ICA1L: variants seen among roughly 807,000 people sequenced by gnomAD.
ICA1L encodes the protein islet cell autoantigen 1-like protein.
A neutral mutation model predicts 61.3 loss-of-function variants in ICA1L; 50 were observed. That is an observed-to-expected ratio of 0.82 (90% CI 0.65 to 1.03). ICA1L has a LOEUF of 1.03. ICA1L is among the 50% of genes least tolerant of loss of function. The pLI, the probability that ICA1L is intolerant of heterozygous loss-of-function variation, is 0.00. For missense variants in ICA1L, 508 were observed against 556.7 expected (o/e 0.91, Z 0.88); for synonymous variants, 161 against 191.3 (o/e 0.84, Z 1.31).
rs1358189927 is a variant in ICA1L, at chr2:202,788,859, A to T, written c.1214T>A (p.Leu405His). 5.6e-6 allele frequency: 9 copies of T among 1,614,120 alleles called. No homozygotes were observed. The highest frequency in any genetic ancestry group is 6.8e-6 in the Non-Finnish European group (8 of 1,180,010). ...SRFLPSQLFD[L>H]GFHVAGAFNN... ...GAACGCTCCAGCCACATGAAAGCCA[A>T]GGTCAAAGAGTTGTGAAGGAAGGAA... The change falls in exon 11 of 13, where the codon CTT (leucine) becomes CAT (histidine). Residue 405 changes from leucine to histidine, a missense_variant. By Grantham distance (99) the Leu-to-His change is moderately conservative. Coordinates refer to ENST00000358299, the MANE Select transcript of ICA1L (RefSeq NM_001288622.3).
At chr2:202,847,498 C>T (rs1210519186) in intron 1 of ICA1L, among the ~76,000 whole-genome samples, 5 of 151,726 alleles carry the variant, frequency 3.3e-5, no homozygotes, top group African/African-American at 7.3e-5. Context: ...TGTGGGACCT[C>T]GTGCAAGTTA....
rs957093783 is a variant in ICA1L, at chr2:202,849,632, A to G, written c.-7-20616T>C. On this transcript the variant is annotated intron_variant, in intron 1 of 12. Transcript: ENST00000358299. The surrounding 1 kb of genome is among the most constrained non-coding windows in gnomAD (Gnocchi z 4.5). Reference sequence around the variant, plus strand: ...TGAAAGAAAGGCAGCAGCCCCAGCCAGGGGTTTTTAGATAAAACTCCCATC... The same window carrying G: ...TGAAAGAAAGGCAGCAGCCCCAGCCGGGGGTTTTTAGATAAAACTCCCATC... Among the ~76,000 whole-genome samples the G allele has an allele frequency of 1.3e-5, 2 of 152,230 alleles. No homozygotes were observed. The highest frequency in any genetic ancestry group is 2.9e-5 in the Non-Finnish European group (2 of 68,032).
chr2:202,830,035 C>T (rs62183696), intron 1 of ICA1L, among the ~76,000 whole-genome samples: 2,223 of 152,190 alleles, frequency 0.015, 20 homozygotes, highest in Non-Finnish European at 0.022. Context: ...CAAATAAAGT[C>T]CTTAAGTATA....
At chr2:202,859,825 T>G (rs1180277261) in intron 1 of ICA1L, among the ~76,000 whole-genome samples, 1 of 152,232 alleles carries the variant, frequency 6.6e-6, no homozygotes, top group East Asian at 1.9e-4. Flanking sequence ...TATAGAACCC[T>G]GAAAACTTTT....
At chr2:202,831,744 A>G (rs150327505) in intron 1 of ICA1L, among the ~76,000 whole-genome samples, 2 of 152,304 alleles carry the variant, frequency 1.3e-5, no homozygotes, top group Admixed American at 1.3e-4. Flanking sequence ...TGGCAAAGGG[A>G]GAAAGTGACT....
chr2:202,865,295 C>G (rs28762111), intron 1 of ICA1L, among the ~76,000 whole-genome samples: 93 of 151,816 alleles, frequency 6.1e-4, no homozygotes, highest in African/African-American at 2.1e-3. Context: ...ATGGTGAAAC[C>G]TTGTCTCTAC....
At chr2:202,847,642 T>A (rs1694499034) in intron 1 of ICA1L, among the ~76,000 whole-genome samples, 1 of 144,518 alleles carries the variant, frequency 6.9e-6, no homozygotes, top group African/African-American at 2.6e-5. Context: ...ATTCATGTTA[T>A]ATTTTTTCAT....
chr2:202,784,191 C>T (rs1032697769), intron 12 of ICA1L, among the ~76,000 whole-genome samples: 7 of 152,176 alleles, frequency 4.6e-5, no homozygotes, highest in Admixed American at 6.5e-5. Context: ...GTGACCCACA[C>T]CTGTAACCCC....
At position 202,774,082 on chromosome 2, in the gene ICA1L, A is replaced by C; in HGVS notation, c.*5451T>G. On this transcript the variant is annotated 3_prime_UTR_variant, in exon 13 of 13. Transcript: ENST00000358299. ...TGTCATCCTAGCTGCCTAATATGATAATATTAGGAATCCCATCAATGATTG... is the reference window on the plus strand; with the variant it reads ...TGTCATCCTAGCTGCCTAATATGATCATATTAGGAATCCCATCAATGATTG... 6 of 1,024,468 alleles carry C rather than the reference A, an allele frequency of 5.9e-6. No individual in the cohort carries two copies. The highest frequency in any genetic ancestry group is 4.5e-6 in the Non-Finnish European group (3 of 673,992). The allele number at this position is 1,024,468 out of a possible 1,614,324, so 63.5% of individuals were successfully genotyped here. A position where few individuals can be genotyped will look rare whatever the true frequency, so the allele number is the denominator to read the frequency against.
At chr2:202,829,967 CA>C in intron 1 of ICA1L, among the ~76,000 whole-genome samples, 1 of 152,160 alleles carries the variant, frequency 6.6e-6, no homozygotes, top group East Asian at 1.9e-4. Flanking sequence ...GCAAAGATTC[CA>C]ACACATACTC....
chr2:202,859,261 A>G (rs1006833439), intron 1 of ICA1L, among the ~76,000 whole-genome samples: 5 of 152,208 alleles, frequency 3.3e-5, no homozygotes, highest in Admixed American at 3.3e-4. Context: ...AATTGAATTC[A>G]GATTATAAAT....
At chr2:202,841,266 A>G in intron 1 of ICA1L, 2 of 736,126 alleles carry the variant, frequency 2.7e-6, no homozygotes, top group South Asian at 2.7e-5. Flanking sequence ...GAAGTCTTCC[A>G]CCAGCCCTGG....
At chr2:202,805,186 G>C (rs1195142668) in intron 9 of ICA1L, among the ~76,000 whole-genome samples, 1 of 152,160 alleles carries the variant, frequency 6.6e-6, no homozygotes, top group African/African-American at 2.4e-5. Context: ...AAGTACAGTA[G>C]TGGTTAGCTA....
chr2:202,791,289 C>CA (rs1168686899), intron 10 of ICA1L, among the ~76,000 whole-genome samples: 6 of 152,044 alleles, frequency 3.9e-5, no homozygotes, highest in African/African-American at 1.4e-4. Context: ...CTTGGACTTA[C>CA]AAAGAATTTT....
At chr2:202,815,286 A>C (rs1222342159) in intron 7 of ICA1L, among the ~76,000 whole-genome samples, 1 of 152,222 alleles carries the variant, frequency 6.6e-6, no homozygotes, top group African/African-American at 2.4e-5. Flanking sequence ...CATCCATCCT[A>C]AACCCCAGAA....
chr2:202,844,327 G>A (rs1289031914), intron 1 of ICA1L: 1 of 152,106 alleles, frequency 6.6e-6, no homozygotes, highest in East Asian at 1.9e-4. Context: ...AGTGAGCTAT[G>A]AATGTGCCAC....
Position 202,860,722 on chromosome 2 carries a change from A to G in ICA1L, c.-8+10897T>C, listed in dbSNP as rs187003724. 3.8e-3 allele frequency among the ~76,000 whole-genome samples: 574 copies of G among 152,230 alleles called. 1 individual carries two copies. Among genetic ancestry groups the G allele is most frequent in the Non-Finnish European group, 6.5e-3 (440 of 68,028 alleles). On this transcript the variant is annotated intron_variant, in intron 1 of 12. Transcript: ENST00000358299. ...TGCCAAGATCACGCCATTGCACTGT[A>G]GCTTAGGCAAGGGAGAAAGACTGTG...
At chr2:202,790,690 G>A (rs996480370) in intron 10 of ICA1L, among the ~76,000 whole-genome samples, 2 of 152,174 alleles carry the variant, frequency 1.3e-5, no homozygotes, top group African/African-American at 4.8e-5. Flanking sequence ...TCATGGGTTG[G>A]GAAGTCTGAG....
At chr2:202,788,061 C>T (rs964059795) in intron 11 of ICA1L, among the ~76,000 whole-genome samples, 1 of 152,216 alleles carries the variant, frequency 6.6e-6, no homozygotes, top group Non-Finnish European at 1.5e-5. Context: ...ATTCTTCCTT[C>T]ACTTCAGTAG....
Sources: allele counts gnomAD v4.1 joint callset (sites outside exome capture counted in the v4.1 genomes callset), GRCh38; gene constraint gnomAD v4.1.1; non-coding constraint Gnocchi (gnomAD v3.1); transcripts MANE v1.5; gene names NCBI Gene and HGNC (gene_info 2026-07-23, HGNC 2026-07-21).